Variants in TGM4 observed in about 807,000 individuals in gnomAD.
TGM4 encodes the protein protein-glutamine gamma-glutamyltransferase 4.
A neutral mutation model predicts 76.3 loss-of-function variants in TGM4; 61 were observed. That is an observed-to-expected ratio of 0.80 (90% CI 0.65 to 0.99). The LOEUF (loss-of-function observed/expected upper bound fraction) is 0.99. Ranked by LOEUF, TGM4 falls within the 50% of genes least tolerant of loss-of-function variation. The pLI is 0.00. For missense variants in TGM4, 794 were observed against 843.2 expected (o/e 0.94, Z 0.72); for synonymous variants, 337 against 329.8 (o/e 1.02, Z -0.24).
At chr3:44,909,753 T>A (rs1428665909) in intron 10 of TGM4, among the ~76,000 whole-genome samples, 2 of 152,234 alleles carry the variant, frequency 1.3e-5, no homozygotes, top group Non-Finnish European at 2.9e-5. Flanking sequence ...TGTGCTGTTT[T>A]TCTTGAATAA....
intron 1 of TGM4, among the ~76,000 whole-genome samples, chr3:44,882,112 C>A (rs999572958): frequency 7.6e-6 from 1 of 132,400 alleles, no homozygotes; most frequent in African/African-American, 2.9e-5. Flanking sequence ...CCCAGGCTGG[C>A]GTGTTGTGGC....
At chr3:44,910,859 A>G (rs1699993873) in intron 11 of TGM4, 99 bp from the exon 12 acceptor site, 10 of 1,359,456 alleles carry the variant, frequency 7.4e-6, no homozygotes, top group Middle Eastern at 2.1e-4. Flanking sequence ...ATCCAGTTCA[A>G]TTCACACAAA....
chr3:44,881,632 C>T (rs1437360028), intron 1 of TGM4, among the ~76,000 whole-genome samples: 2 of 152,170 alleles, frequency 1.3e-5, no homozygotes, highest in Admixed American at 1.3e-4. Flanking sequence ...CCACTTGACC[C>T]ACTCAAAAAT....
chr3:44,901,750 C>A (rs367881008), intron 7 of TGM4, 43 bp from the exon 8 acceptor site: 5 of 1,612,720 alleles, frequency 3.1e-6, no homozygotes, highest in South Asian at 1.1e-5. Flanking sequence ...GAGGGACTCC[C>A]AGCCCCCACA....
chr3:44,903,597 G>A, intron 8 of TGM4: 1 of 417,734 alleles, frequency 2.4e-6, no homozygotes, highest in South Asian at 3.2e-5. Flanking sequence ...ATCTCTAGTG[G>A]TGAAGACTCC....
intron 1 of TGM4, among the ~76,000 whole-genome samples, chr3:44,881,524 G>A (rs1051789402): frequency 2.0e-5 from 3 of 152,182 alleles, no homozygotes; most frequent in African/African-American, 7.2e-5. Flanking sequence ...GGAGTCCCAA[G>A]GTGGTGCTGG....
At chr3:44,887,561 G>C (rs1323912677) in intron 2 of TGM4, 128 bp from the exon 3 acceptor site, 6 of 750,444 alleles carry the variant, frequency 8.0e-6, no homozygotes, top group Non-Finnish European at 8.6e-6. Flanking sequence ...GCTGGAGCCA[G>C]GGGACAAATG....
intron 1 of TGM4, among the ~76,000 whole-genome samples, chr3:44,875,415 C>T (rs1167225685): frequency 6.6e-6 from 1 of 152,198 alleles, no homozygotes; most frequent in Non-Finnish European, 1.5e-5. Context: ...TGATGGATTT[C>T]CCTACTGCAG....
rs1699786355 is a variant in TGM4 at position 44,896,870 on chromosome 3, CTT to C, written c.657+58_657+59del. On this transcript the variant is annotated intron_variant, in intron 6 of 13. Transcript: ENST00000296125. ...GTCTTGTACTTGCCAATTGCTCAGC[CTT>C]TTTCTGTTTTTCCTCATCTAAACTG... 7 of 1,506,834 alleles carry C rather than the reference CTT, an allele frequency of 4.6e-6. No homozygotes were observed. In the South Asian group the frequency reaches 7.9e-5, roughly 17 times the overall value. The allele number at this position is 1,506,834 out of a possible 1,614,324, so 93.3% of individuals were successfully genotyped here. A position where few individuals can be genotyped will look rare whatever the true frequency, so the allele number is the denominator to read the frequency against.
rs1699815577 is a variant in TGM4 at position 44,898,827 on chromosome 3, A to G, written c.657+2011A>G. Among the ~76,000 whole-genome samples, 3 of 152,286 alleles carry G rather than the reference A, an allele frequency of 2.0e-5. 1 individual carries two copies. In the Middle Eastern group the frequency reaches 0.01, roughly 518 times the overall value. ...TCACGCTGACTCTCTGGGGCCCAGG[A>G]GTCCACCATGCCTGCTCTTTCCCCT... On this transcript the variant is annotated intron_variant, in intron 6 of 13. Transcript: ENST00000296125.
chr3:44,885,235 A>T, intron 1 of TGM4, 90 bp from the exon 2 acceptor site: 1 of 1,373,766 alleles, frequency 7.3e-7, no homozygotes, highest in East Asian at 2.5e-5. Flanking sequence ...CTCCACCTCA[A>T]TGCACTCTCA....
intron 4 of TGM4, among the ~76,000 whole-genome samples, chr3:44,891,096 C>T (rs1471929041): frequency 6.6e-6 from 1 of 152,220 alleles, no homozygotes; most frequent in African/African-American, 2.4e-5. Flanking sequence ...CCCTTCTGCT[C>T]CCTTAGTTCT....
At chr3:44,906,887 G>A (rs932877713) in intron 9 of TGM4, 62 bp from the exon 10 acceptor site, 39 of 1,587,614 alleles carry the variant, frequency 2.5e-5, no homozygotes, top group Non-Finnish European at 3.3e-5. Flanking sequence ...TGCTGCCACT[G>A]GGTCCAGGCT....
chr3:44,896,178 C>G (rs1022428584), intron 5 of TGM4, among the ~76,000 whole-genome samples: 7 of 152,180 alleles, frequency 4.6e-5, no homozygotes, highest in Non-Finnish European at 1.0e-4. Context: ...ATGGCACGAT[C>G]TTGGCTCACT....
chr3:44,878,613 G>T (rs1194929958), intron 1 of TGM4, among the ~76,000 whole-genome samples: 1 of 151,816 alleles, frequency 6.6e-6, no homozygotes, highest in Non-Finnish European at 1.5e-5. Flanking sequence ...CTCCTGAATA[G>T]CTGGGATTAC....
chr3:44,906,015 C>A (rs1699917424), intron 9 of TGM4, among the ~76,000 whole-genome samples: 1 of 152,160 alleles, frequency 6.6e-6, no homozygotes, highest in African/African-American at 2.4e-5. Flanking sequence ...GAAAAGGGGC[C>A]TTAAAAGCCC....
At chr3:44,895,823 T>A (rs944957048) in intron 5 of TGM4, among the ~76,000 whole-genome samples, 3 of 152,214 alleles carry the variant, frequency 2.0e-5, no homozygotes, top group Middle Eastern at 3.2e-3. Context: ...AATTACAGAT[T>A]GAATCATCCA....
intron 10 of TGM4, among the ~76,000 whole-genome samples, 182 bp downstream of exon 10, chr3:44,907,382 C>A (rs546666488): frequency 1.4e-4 from 21 of 151,252 alleles, no homozygotes; most frequent in Non-Finnish European, 2.4e-4. Flanking sequence ...ACTCAGGAGG[C>A]TAAGGTGGGA....
chr3:44,914,065 G>A lies in TGM4; in HGVS notation c.*340G>A. ...CTCTCCCTGGAGCAGCAGACTATGG[G>A]CAGCCCAGTGCTGCCACCTGCTGAC... On this transcript the variant is annotated 3_prime_UTR_variant, in exon 14 of 14. Transcript: ENST00000296125. The A allele has an allele frequency of 9.3e-6, 2 of 214,084 alleles. No individual in the cohort carries two copies. The highest frequency in any genetic ancestry group is 1.9e-5 in the Non-Finnish European group (2 of 107,184). 13.3% of individuals were successfully genotyped at this position (214,084 alleles called of 1,614,324 possible).
Sources: allele counts gnomAD v4.1 joint callset (sites outside exome capture counted in the v4.1 genomes callset), GRCh38; gene constraint gnomAD v4.1.1; transcripts MANE v1.5; gene names NCBI Gene and HGNC (gene_info 2026-07-23, HGNC 2026-07-21).